The following TSHZ2 variants were observed in gnomAD, a reference collection of about 807,000 sequenced individuals.
TSHZ2 encodes teashirt zinc finger homeobox 2.
TSHZ2 carries 21 observed loss-of-function variants against 74.4 expected under a neutral mutation model. The observed-to-expected ratio is 0.28, with a 90% CI of 0.20 to 0.41. The LOEUF (loss-of-function observed/expected upper bound fraction) is 0.41, where lower values mean the gene tolerates loss of function less well. Ranked by LOEUF, TSHZ2 falls within the 10% of genes least tolerant of loss-of-function variation. The pLI, the probability that TSHZ2 is intolerant of heterozygous loss-of-function variation, is 1.00. For synonymous variants in TSHZ2, 540 were observed against 515.3 expected, an observed-to-expected ratio of 1.05 and a Z score of -0.65; for missense variants, 1,244 against 1,293.5, an observed-to-expected ratio of 0.96 and a Z score of 0.59.
intron 1 of TSHZ2, among the ~76,000 whole-genome samples, chr20:53,143,661 C>T (rs1443706922): frequency 1.3e-5 from 2 of 151,976 alleles, no homozygotes; most frequent in Non-Finnish European, 2.9e-5. Context: ...CACTGCACTC[C>T]AGCCTGGGCA....
intron 1 of TSHZ2, among the ~76,000 whole-genome samples, chr20:53,072,297 C>G (rs1391608283): frequency 6.6e-6 from 1 of 152,182 alleles, no homozygotes; most frequent in African/African-American, 2.4e-5. Context: ...TTTAAGGCAA[C>G]ATGGTATACA....
At chr20:53,483,206 G>A (rs3995538) in intron 2 of TSHZ2, among the ~76,000 whole-genome samples, 28,540 of 150,564 alleles carry the variant, frequency 0.19, 2,794 homozygotes, top group East Asian at 0.3. Flanking sequence ...AGGCCAAGGC[G>A]GGGAGAATGG....
At chr20:53,331,169 A>G (rs1979707562) in intron 2 of TSHZ2, among the ~76,000 whole-genome samples, 2 of 152,246 alleles carry the variant, frequency 1.3e-5, no homozygotes, top group African/African-American at 4.8e-5. Flanking sequence ...AAGTATGAAT[A>G]CAGTTGGTAG....
At position 53,008,560 on chromosome 20, in the gene TSHZ2, T is replaced by C. The variant is rs115990707; in HGVS notation, c.40+35227T>C. 7.2e-3 allele frequency among the ~76,000 whole-genome samples: 1,055 copies of C among 146,870 alleles called. 14 individuals are homozygous for C. The highest frequency in any genetic ancestry group is 0.023 in the African/African-American group (921 of 40,626). On this transcript the variant is annotated intron_variant, in intron 1 of 2. Transcript: ENST00000371497. Reference sequence around the variant, plus strand: ...ATTAAGAAAGGATTATAATCACCTTTTTTTTTTTTTTACGGGAATTGACAT... The same window carrying C: ...ATTAAGAAAGGATTATAATCACCTTCTTTTTTTTTTTACGGGAATTGACAT...
intron 1 of TSHZ2, among the ~76,000 whole-genome samples, chr20:53,241,555 T>C (rs1479321746): frequency 6.6e-6 from 1 of 152,180 alleles, no homozygotes; most frequent in Non-Finnish European, 1.5e-5. Context: ...AGGAGCCTGA[T>C]GAACATTTTT....
At chr20:53,209,900 C>A (rs949020279) in intron 1 of TSHZ2, among the ~76,000 whole-genome samples, 2 of 140,582 alleles carry the variant, frequency 1.4e-5, no homozygotes, top group Non-Finnish European at 3.1e-5. Flanking sequence ...CAGATTCTTC[C>A]CTGTTCTTCC....
intron 2 of TSHZ2, among the ~76,000 whole-genome samples, chr20:53,484,011 CTT>C (rs780834580): frequency 3.9e-5 from 6 of 152,230 alleles, no homozygotes; most frequent in African/African-American, 7.2e-5. Context: ...GGACTTCACT[CTT>C]GTTTCACAGT....
At chr20:53,175,770 G>T (rs772371068) in intron 1 of TSHZ2, among the ~76,000 whole-genome samples, 1 of 152,134 alleles carries the variant, frequency 6.6e-6, no homozygotes. Flanking sequence ...CAGATTGGTG[G>T]TACCCCGACC....
chr20:53,127,531 CCCTGTCT>C (rs1266671195), intron 1 of TSHZ2, among the ~76,000 whole-genome samples: 2 of 152,008 alleles, frequency 1.3e-5, no homozygotes, highest in Non-Finnish European at 2.9e-5. Flanking sequence ...CGTATTGAGA[CCCTGTCT>C]CCAAAAAAAC....
At chr20:53,296,218 T>C (rs148705000) in intron 2 of TSHZ2, among the ~76,000 whole-genome samples, 40 of 152,264 alleles carry the variant, frequency 2.6e-4, no homozygotes, top group African/African-American at 9.4e-4. Context: ...AGTCCAGAAA[T>C]TGATGTCTCA....
chr20:53,105,143 G>C (rs538239654), intron 1 of TSHZ2, among the ~76,000 whole-genome samples: 1 of 152,200 alleles, frequency 6.6e-6, no homozygotes, highest in African/African-American at 2.4e-5. Context: ...TAAGGAACAC[G>C]AGAGTCTGTC....
intron 1 of TSHZ2, among the ~76,000 whole-genome samples, chr20:53,050,534 C>G (rs1423737737): frequency 6.6e-6 from 1 of 152,122 alleles, no homozygotes; most frequent in African/African-American, 2.4e-5. Flanking sequence ...CTTGCCCGCA[C>G]GGGGCTGTGA....
chr20:52,996,505 T>C (rs953056083), intron 1 of TSHZ2, among the ~76,000 whole-genome samples: 1 of 152,072 alleles, frequency 6.6e-6, no homozygotes, highest in South Asian at 2.1e-4. Context: ...ACTTCCTGCT[T>C]TCCTGGGGTA....
intron 2 of TSHZ2, among the ~76,000 whole-genome samples, chr20:53,423,400 C>CA (rs1555862757): frequency 3.3e-5 from 5 of 151,984 alleles, no homozygotes; most frequent in African/African-American, 9.7e-5. Flanking sequence ...AACAAACAAA[C>CA]AAAAAAGGCT....
chr20:53,279,185 C>T (rs938210932), intron 2 of TSHZ2, among the ~76,000 whole-genome samples: 1 of 152,162 alleles, frequency 6.6e-6, no homozygotes, highest in African/African-American at 2.4e-5. Context: ...GGTTTGCTTT[C>T]TCAGAGGTGG....
intron 1 of TSHZ2, among the ~76,000 whole-genome samples, chr20:52,975,608 T>G (rs1014967559): frequency 6.6e-6 from 1 of 152,108 alleles, no homozygotes; most frequent in African/African-American, 2.4e-5. Context: ...TATGTTTGTT[T>G]TGTATGATTC....
At chr20:53,040,784 G>A (rs887879763) in intron 1 of TSHZ2, among the ~76,000 whole-genome samples, 7 of 152,158 alleles carry the variant, frequency 4.6e-5, no homozygotes, top group African/African-American at 1.4e-4. Flanking sequence ...TCTTCCAGCT[G>A]ATCCCACAGT....
intron 2 of TSHZ2, among the ~76,000 whole-genome samples, chr20:53,403,805 G>A (rs886851319): frequency 4.6e-5 from 7 of 152,178 alleles, no homozygotes; most frequent in Admixed American, 1.3e-4. Flanking sequence ...GAAGGTCTGC[G>A]GCTCGTAGGC....
At chr20:53,425,289 T>C (rs1983616126) in intron 2 of TSHZ2, among the ~76,000 whole-genome samples, 1 of 152,188 alleles carries the variant, frequency 6.6e-6, no homozygotes, top group Non-Finnish European at 1.5e-5. Flanking sequence ...GGAACCTCAT[T>C]ATCATTCCAA....
Sources: gnomAD v4.1 joint callset for allele counts (sites outside exome capture counted in the v4.1 genomes callset) on GRCh38, gnomAD v4.1.1 for gene constraint, MANE v1.5 for transcripts, NCBI Gene and HGNC (gene_info 2026-07-23, HGNC 2026-07-21) for gene names.